The following RPTOR variants were observed in gnomAD, a reference collection of about 807,000 sequenced individuals.
RPTOR encodes the protein regulatory associated protein of MTOR complex 1, also known as regulatory-associated protein of mTOR.
RPTOR carries 21 observed loss-of-function variants against 169.9 expected under a neutral mutation model. That is an observed-to-expected ratio of 0.12 (90% confidence interval 0.09 to 0.18). The LOEUF is 0.18. RPTOR is among the 10% of genes least tolerant of loss of function. RPTOR has a pLI of 1.00. For synonymous variants in RPTOR, 732 were observed against 753.2 expected (o/e 0.97, Z 0.46); for missense variants, 1,133 against 1,855.9 (o/e 0.61, Z 7.16).
chr17:80,858,688 A>G (rs1408447977), intron 13 of RPTOR, among the ~76,000 whole-genome samples: 1 of 151,940 alleles, frequency 6.6e-6, no homozygotes, highest in Non-Finnish European at 1.5e-5. Context: ...CTGAACTGGA[A>G]ACGCCAGGAA....
intron 20 of RPTOR, among the ~76,000 whole-genome samples, chr17:80,898,422 A>G (rs916256075): frequency 6.6e-6 from 1 of 152,084 alleles, no homozygotes; most frequent in African/African-American, 2.4e-5. Flanking sequence ...TAGTGTCTTC[A>G]AGTTCTAACT....
chr17:80,904,476 C>T (rs914075678), intron 20 of RPTOR, among the ~76,000 whole-genome samples: 6 of 152,194 alleles, frequency 3.9e-5, no homozygotes, highest in Admixed American at 2.0e-4. Flanking sequence ...AGTAAATTTC[C>T]CCGCCGTGTA....
intron 1 of RPTOR, among the ~76,000 whole-genome samples, chr17:80,556,906 C>T (rs2084416665): frequency 6.6e-6 from 1 of 152,112 alleles, no homozygotes; most frequent in East Asian, 1.9e-4. Flanking sequence ...CCAGCCTGCC[C>T]AACATGGCGA....
rs1167403602 is a variant in RPTOR at position 80,730,618 on chromosome 17, C to A, written c.566C>A (p.Pro189Gln). 1 of 1,614,108 alleles carries A rather than the reference C, an allele frequency of 6.2e-7. No individual in the cohort carries two copies. The highest frequency in any genetic ancestry group is 1.1e-5 in the South Asian group (1 of 91,080). The change falls in exon 5 of 34, where the codon CCG becomes CAG. Residue 189 changes from proline (P) to glutamine (Q), a missense_variant. By Grantham distance (76) the Pro-to-Gln change is moderately conservative. Around this residue, in one of 9 missense-constraint regions of RPTOR, gnomAD observed 74 missense variants for 168.3 expected, o/e 0.44. Transcript: ENST00000306801. The surrounding 1 kb of genome is among the most constrained non-coding windows in gnomAD (Gnocchi z 4.2). ...GACCTGCAGACGTGGATGGGCAGCC[C>A]GTCGATCTTCGTCTACGACTGCTCC... ...IYDLQTWMGS[P>Q]SIFVYDCSNA...
intron 30 of RPTOR, chr17:80,961,160 C>A (rs572301787): frequency 6.0e-6 from 3 of 498,306 alleles, no homozygotes; most frequent in Non-Finnish European, 7.1e-6. Flanking sequence ...CTGACGGTGA[C>A]CTAGGGCCCA....
intron 22 of RPTOR, 85 bp from the exon 23 acceptor site, chr17:80,923,405 G>C: frequency 6.7e-7 from 1 of 1,495,042 alleles, no homozygotes; most frequent in Non-Finnish European, 9.3e-7. Context: ...GGAGGGTGCA[G>C]GTGGCCCAGG....
In RPTOR at chr17:80,667,606, G is replaced by A. The variant is rs139218871; in HGVS notation, c.348+23796G>A. On this transcript the variant is annotated intron_variant, in intron 3 of 33. Coordinates refer to ENST00000306801, the MANE Select transcript of RPTOR (RefSeq NM_020761.3). ...ATGTCAGTGGAAGTCATAGCAAATA[G>A]TAAGCCCTTCGCACCCATGACCTTT... Among the ~76,000 whole-genome samples, 6 of 152,340 alleles carry A rather than the reference G, an allele frequency of 3.9e-5. No homozygotes were observed. In the East Asian group the frequency reaches 9.6e-4, roughly 24 times the overall value.
rs745561994 is a variant in RPTOR, at chr17:80,707,793, A to G, written c.349-48A>G. ...AAAGGGTAGGGGATGAGTTCCAAGCATTCCCTGGAGTCCGTGGTAAATTTC... is the reference window on the plus strand; with the variant it reads ...AAAGGGTAGGGGATGAGTTCCAAGCGTTCCCTGGAGTCCGTGGTAAATTTC... On this transcript the variant is annotated intron_variant, in intron 3 of 33. Coordinates refer to ENST00000306801, the MANE Select transcript of RPTOR (RefSeq NM_020761.3). This position sits in a 1 kb window ranked among gnomAD's most constrained non-coding sequence, Gnocchi z 5.0. 6.3e-7 allele frequency: 1 copy of G among 1,585,818 alleles called. No homozygotes were observed. Among genetic ancestry groups the G allele is most frequent in the Non-Finnish European group, 8.6e-7 (1 of 1,160,932 alleles).
chr17:80,946,258 G>A (rs1257264175), intron 26 of RPTOR, among the ~76,000 whole-genome samples: 1 of 152,198 alleles, frequency 6.6e-6, no homozygotes, highest in East Asian at 1.9e-4. Flanking sequence ...TCCTTTTAGA[G>A]TTTAGAGTTT....
At chr17:80,922,224 G>T (rs1471713187) in intron 21 of RPTOR, among the ~76,000 whole-genome samples, 1 of 152,264 alleles carries the variant, frequency 6.6e-6, no homozygotes, top group Non-Finnish European at 1.5e-5. Context: ...CCCGGCTCCG[G>T]AAAGAGCATG....
intron 6 of RPTOR, among the ~76,000 whole-genome samples, chr17:80,769,809 A>C (rs771126413): frequency 4.6e-5 from 7 of 152,116 alleles, no homozygotes; most frequent in Non-Finnish European, 1.0e-4. Context: ...GTGGCATCTG[A>C]GTGAAGGATG....
intron 5 of RPTOR, among the ~76,000 whole-genome samples, chr17:80,753,517 C>T (rs558673717): frequency 1.3e-5 from 2 of 150,766 alleles, no homozygotes; most frequent in Non-Finnish European, 2.9e-5. Context: ...CCTGTAGTCC[C>T]AGCTACTCGG....
At chr17:80,705,985 C>T (rs1167566102) in intron 3 of RPTOR, among the ~76,000 whole-genome samples, 1 of 152,194 alleles carries the variant, frequency 6.6e-6, no homozygotes, top group Non-Finnish European at 1.5e-5. Flanking sequence ...AACGCAGCCT[C>T]CCCTGCACGT....
rs2068952658 is a variant in RPTOR, at chr17:80,936,153, G to A, written c.2920-4343G>A. On this transcript the variant is annotated intron_variant, in intron 24 of 33. Coordinates refer to ENST00000306801, the MANE Select transcript of RPTOR (RefSeq NM_020761.3). The surrounding 1 kb of genome is among the most constrained non-coding windows in gnomAD (Gnocchi z 4.1). Reference sequence around the variant, plus strand: ...TCACGGGAAAGTACGGACCCCTGCAGTGAGATCCCACTACACACCTGTTAG... The same window carrying A: ...TCACGGGAAAGTACGGACCCCTGCAATGAGATCCCACTACACACCTGTTAG... Among the ~76,000 whole-genome samples, 1 of 152,224 alleles carries A rather than the reference G, an allele frequency of 6.6e-6. No individual in the cohort carries two copies. The highest frequency in any genetic ancestry group is 2.4e-5 in the African/African-American group (1 of 41,454).
chr17:80,613,836 G>A (rs1032554025), intron 1 of RPTOR, among the ~76,000 whole-genome samples: 2 of 152,194 alleles, frequency 1.3e-5, no homozygotes, highest in Non-Finnish European at 2.9e-5. Context: ...GTTGAATGAA[G>A]CGGTGTTGAG....
intron 1 of RPTOR, among the ~76,000 whole-genome samples, chr17:80,568,385 T>C (rs2064868553): frequency 6.6e-6 from 1 of 152,216 alleles, no homozygotes; most frequent in African/African-American, 2.4e-5. Flanking sequence ...CTCCTAGCAC[T>C]TTAAGGATGT....
chr17:80,826,187 G>A (rs954153003), intron 9 of RPTOR, among the ~76,000 whole-genome samples: 4 of 152,136 alleles, frequency 2.6e-5, no homozygotes, highest in African/African-American at 7.2e-5. Flanking sequence ...AGGGGATCCC[G>A]GCCCCTCCCT....
chr17:80,599,138 C>G (rs537732510), intron 1 of RPTOR, among the ~76,000 whole-genome samples: 1 of 152,086 alleles, frequency 6.6e-6, no homozygotes, highest in East Asian at 1.9e-4. Flanking sequence ...TGTTCCCTCC[C>G]GTTGAATCTG....
Position 80,708,142 on chromosome 17 carries a change from A to G in RPTOR, c.507+143A>G. On this transcript the variant is annotated intron_variant, in intron 4 of 33. Coordinates refer to ENST00000306801, the MANE Select transcript of RPTOR (RefSeq NM_020761.3). The surrounding 1 kb of genome is among the most constrained non-coding windows in gnomAD (Gnocchi z 4.2). Reference sequence around the variant, plus strand: ...CAACAAACCCAAATGCCATAACTGAACGGACCAGGTAGTCAGGCACAAGGA... The same window carrying G: ...CAACAAACCCAAATGCCATAACTGAGCGGACCAGGTAGTCAGGCACAAGGA... The G allele has an allele frequency of 1.3e-6, 1 of 798,626 alleles. No homozygotes were observed. The highest frequency in any genetic ancestry group is 1.8e-5 in the South Asian group (1 of 54,088). 49.5% of individuals were successfully genotyped at this position (798,626 alleles called of 1,614,324 possible).
Sources: gnomAD v4.1 joint callset for allele counts (sites outside exome capture counted in the v4.1 genomes callset) on GRCh38, gnomAD v4.1.1 for gene constraint, gnomAD v4.1.1 regional missense constraint, Gnocchi (gnomAD v3.1) non-coding constraint, MANE v1.5 for transcripts, NCBI Gene and HGNC (gene_info 2026-07-23, HGNC 2026-07-21) for gene names.